LIFR: variants seen among roughly 807,000 people sequenced by gnomAD.
LIFR encodes LIF receptor subunit alpha.
A neutral mutation model predicts 122.2 loss-of-function variants in LIFR; 84 were observed. That is an observed-to-expected ratio of 0.69 (90% CI 0.58 to 0.82). The LOEUF (loss-of-function observed/expected upper bound fraction) is 0.82, where lower values mean the gene tolerates loss of function less well. Among genes scored for constraint, LIFR ranks in the 40% least tolerant of loss-of-function variants. LIFR has a pLI of 0.00. For synonymous variants in LIFR, 422 were observed against 434.7 expected, an observed-to-expected ratio of 0.97 and a Z score of 0.36; for missense variants, 1,294 against 1,311.6, an observed-to-expected ratio of 0.99 and a Z score of 0.21.
rs572954936 is a variant in LIFR at position 38,517,856 on chromosome 5, CAAA to C, written c.561+5560_561+5562del. Among the ~76,000 whole-genome samples, 177 of 15,014 alleles carry C rather than the reference CAAA, an allele frequency of 0.012. 1 individual carries two copies. The East Asian group carries it at 0.2, about 17-fold the overall frequency. The allele number at this position is 15,014 out of a possible 152,430, so 9.8% of individuals were successfully genotyped here. A position where few individuals can be genotyped will look rare whatever the true frequency, so the allele number is the denominator to read the frequency against. On this transcript the variant is annotated intron_variant, in intron 5 of 19. Transcript: ENST00000453190. ...TGTGCAACAGAGCAAGACACTGTCT[CAAA>C]AAAAAAAAAAAAAAAAAAAAAAGGA...
chr5:38,516,986 T>G (rs1021828977), intron 5 of LIFR, among the ~76,000 whole-genome samples: 6 of 151,926 alleles, frequency 3.9e-5, no homozygotes, highest in African/African-American at 1.5e-4. Flanking sequence ...ATGTTCTCAC[T>G]TATAAGTGGG....
intron 14 of LIFR, among the ~76,000 whole-genome samples, chr5:38,491,029 T>A (rs1744562616): frequency 6.6e-6 from 1 of 152,190 alleles, no homozygotes; most frequent in Non-Finnish European, 1.5e-5. Context: ...TGCTCTCTCC[T>A]CTTGTTCCAA....
intron 1 of LIFR, among the ~76,000 whole-genome samples, chr5:38,568,471 T>C (rs760332928): frequency 1.3e-5 from 2 of 151,988 alleles, no homozygotes; most frequent in Non-Finnish European, 2.9e-5. Flanking sequence ...GGGGGGCCAA[T>C]TAGGTGGGAT....
At chr5:38,587,917 G>A (rs1749802116) in intron 1 of LIFR, among the ~76,000 whole-genome samples, 2 of 152,126 alleles carry the variant, frequency 1.3e-5, no homozygotes. Context: ...TTAGGTGTAG[G>A]GATTCAAAGG....
intron 17 of LIFR, 77 bp downstream of exon 17, chr5:38,485,742 T>C (rs1456874920): frequency 2.6e-6 from 4 of 1,521,394 alleles, no homozygotes; most frequent in Non-Finnish European, 2.7e-6. Flanking sequence ...CGGGGAGGGG[T>C]TCCTACATAA....
At chr5:38,606,403 G>T in intron 1 of LIFR, 1 of 152,284 alleles carries the variant, frequency 6.6e-6, no homozygotes, top group Non-Finnish European at 1.5e-5. Flanking sequence ...ACCAGATCTA[G>T]CCAGGAACCC....
intron 14 of LIFR, among the ~76,000 whole-genome samples, chr5:38,493,358 C>T (rs1165293763): frequency 6.6e-6 from 1 of 152,122 alleles, no homozygotes; most frequent in African/African-American, 2.4e-5. Flanking sequence ...ATAATACTGT[C>T]ATGAACATTC....
chr5:38,569,874 CTTAT>C (rs1451686551), intron 1 of LIFR, among the ~76,000 whole-genome samples: 1 of 152,106 alleles, frequency 6.6e-6, no homozygotes, highest in African/African-American at 2.4e-5. Flanking sequence ...GAGTATGTTG[CTTAT>C]TTGTTAGCTG....
chr5:38,572,703 T>C (rs1749255560), intron 1 of LIFR, among the ~76,000 whole-genome samples: 1 of 152,222 alleles, frequency 6.6e-6, no homozygotes, highest in Admixed American at 6.5e-5. Context: ...ACCTGCTGGA[T>C]TGAAATGAAT....
At chr5:38,569,316 A>G (rs1426303454) in intron 1 of LIFR, among the ~76,000 whole-genome samples, 1 of 152,182 alleles carries the variant, frequency 6.6e-6, no homozygotes, top group East Asian at 1.9e-4. Flanking sequence ...CAAGAGCCAG[A>G]TGTCATCCCC....
intron 4 of LIFR, 60 bp from the exon 5 acceptor site, chr5:38,523,642 G>GT: frequency 1.6e-6 from 2 of 1,263,560 alleles, no homozygotes; most frequent in South Asian, 2.4e-5. Context: ...TTTTCATACT[G>GT]TAACTCCACT....
At chr5:38,484,967 GA>G (rs935786851) in intron 17 of LIFR, 99 bp from the exon 18 acceptor site, 40 of 812,850 alleles carry the variant, frequency 4.9e-5, no homozygotes, top group Admixed American at 1.9e-4. Context: ...AATTATTTAG[GA>G]AAAAAACAAA....
upstream of LIFR, chr5:38,557,632 T>A (rs1748656268): frequency 1.3e-5 from 2 of 154,800 alleles, no homozygotes; most frequent in Non-Finnish European, 2.9e-5. Flanking sequence ...ACGTGTTTTT[T>A]AAAGACCTTT....
Position 38,546,656 on chromosome 5 carries a change from G to T in LIFR, c.-20+9678C>A, listed in dbSNP as rs1277440313. Among the ~76,000 whole-genome samples, 4 of 152,130 alleles carry T rather than the reference G, an allele frequency of 2.6e-5. No homozygotes were observed. In the East Asian group the frequency reaches 7.7e-4, roughly 29 times the overall value. On this transcript the variant is annotated intron_variant, in intron 1 of 19. Coordinates refer to ENST00000453190, the MANE Select transcript of LIFR (RefSeq NM_001127671.2). ...CCAGTTGCCATTTACCATCTAGATT[G>T]TCAATGTTGTCTATCTTGCAGTAGA...
At chr5:38,555,071 G>A (rs1748443237) in intron 1 of LIFR, 1 of 152,154 alleles carries the variant, frequency 6.6e-6, no homozygotes, top group South Asian at 2.1e-4. Context: ...ATCACCTTGG[G>A]AACACATCAT....
At chr5:38,562,985 G>A (rs1444310799) in intron 1 of LIFR, among the ~76,000 whole-genome samples, 1 of 152,126 alleles carries the variant, frequency 6.6e-6, no homozygotes, top group Non-Finnish European at 1.5e-5. Context: ...ACCTAATCTG[G>A]AACACTGCCT....
rs1746957684 is a variant in LIFR, at chr5:38,530,665, T to A, written c.-18A>T. The A allele has an allele frequency of 6.2e-7, 1 of 1,613,374 alleles. No individual in the cohort carries two copies. The highest frequency in any genetic ancestry group is 1.3e-5 in the African/African-American group (1 of 74,888). ...TCCATCATCTGTGCAATGCAGTCAGTCCTAGGTTAGGAGAGGAATTCCAGA... is the reference window on the plus strand; with the variant it reads ...TCCATCATCTGTGCAATGCAGTCAGACCTAGGTTAGGAGAGGAATTCCAGA... On this transcript the variant is annotated splice_region_variant and 5_prime_UTR_variant, in exon 2 of 20. Coordinates refer to ENST00000453190, the MANE Select transcript of LIFR (RefSeq NM_001127671.2).
upstream of LIFR, among the ~76,000 whole-genome samples, chr5:38,599,597 T>C (rs1333525333): frequency 1.3e-5 from 2 of 152,194 alleles, no homozygotes; most frequent in Non-Finnish European, 2.9e-5. Flanking sequence ...CGGCTGAGTA[T>C]GGAAAGTGCC....
upstream of LIFR, among the ~76,000 whole-genome samples, chr5:38,596,737 G>T (rs1471923875): frequency 1.3e-5 from 2 of 152,068 alleles, no homozygotes; most frequent in East Asian, 1.9e-4. Context: ...TATGAAAAAC[G>T]ATCACACCTG....
Sources: allele counts gnomAD v4.1 joint callset (sites outside exome capture counted in the v4.1 genomes callset), GRCh38; gene constraint gnomAD v4.1.1; transcripts MANE v1.5; gene names NCBI Gene and HGNC (gene_info 2026-07-23, HGNC 2026-07-21).